CASZ1: variants seen among roughly 807,000 people sequenced by gnomAD.
The protein encoded by CASZ1 is castor zinc finger 1.
CASZ1 carries 28 observed loss-of-function variants against 135.2 expected under a neutral mutation model. That is an observed-to-expected ratio of 0.21 (90% CI 0.15 to 0.28). The LOEUF is 0.28. CASZ1 is among the 10% of genes least tolerant of loss of function. CASZ1 has a pLI of 1.00. For missense variants in CASZ1, 2,161 were observed against 2,453.3 expected (o/e 0.88, Z 2.52); for synonymous variants, 1,068 against 1,073.4 (o/e 0.99, Z 0.10).
At chr1:10,705,338 A>G (rs1474641778) in intron 3 of CASZ1, among the ~76,000 whole-genome samples, 154 bp downstream of exon 3, 1 of 152,148 alleles carries the variant, frequency 6.6e-6, no homozygotes, top group African/African-American at 2.4e-5. Context: ...TCAGGGCGGA[A>G]TGGGTGGGGT....
In CASZ1 at chr1:10,765,186, C is replaced by T. The variant is rs529243508; in HGVS notation, c.-233-4329G>A. On this transcript the variant is annotated intron_variant, in intron 1 of 20. Coordinates refer to ENST00000377022, the MANE Select transcript of CASZ1 (RefSeq NM_001079843.3). Reference sequence around the variant, plus strand: ...ATTTTCACCTGGGGGAATGTGGGTACGGGGAGGCGCCTATCATCTCCCTGC... The same window carrying T: ...ATTTTCACCTGGGGGAATGTGGGTATGGGGAGGCGCCTATCATCTCCCTGC... 3.1e-3 allele frequency among the ~76,000 whole-genome samples: 472 copies of T among 152,008 alleles called. 1 individual carries two copies. Among genetic ancestry groups the T allele is most frequent in the African/African-American group, 9.8e-3 (406 of 41,454 alleles).
intron 5 of CASZ1, among the ~76,000 whole-genome samples, chr1:10,662,767 G>A (rs1033800218): frequency 1.3e-5 from 2 of 151,910 alleles, no homozygotes; most frequent in Non-Finnish European, 2.9e-5. Context: ...AGACTCTTGC[G>A]CTCACACTCG....
intron 2 of CASZ1, among the ~76,000 whole-genome samples, chr1:10,748,864 G>A (rs113281600): frequency 0.037 from 5,642 of 152,306 alleles, 330 homozygotes; most frequent in African/African-American, 0.13. Flanking sequence ...AGGTCTTCTC[G>A]GCAGAAGCAG....
In CASZ1 at chr1:10,774,745, G is replaced by C. The variant is rs535864018; in HGVS notation, c.-233-13888C>G. 9.2e-5 allele frequency among the ~76,000 whole-genome samples: 14 copies of C among 152,184 alleles called. No homozygotes were observed. Among genetic ancestry groups the C allele is most frequent in the African/African-American group, 3.4e-4 (14 of 41,534 alleles). On this transcript the variant is annotated intron_variant, in intron 1 of 20. Coordinates refer to ENST00000377022, the MANE Select transcript of CASZ1 (RefSeq NM_001079843.3). This position sits in a 1 kb window ranked among gnomAD's most constrained non-coding sequence, Gnocchi z 4.4. ...CCTGTAGGCCTAGAGGAACCACCAG[G>C]AGAGGCTGGAGGCTTGAGCCCTCCC...
chr1:10,755,990 G>A lies in CASZ1; in HGVS notation c.-77+4711C>T, dbSNP rs1640247263. The stretch of plus-strand genomic sequence containing the variant: ...CGGATCTAGTGCAGACCATAGAGGC[G>A]GAAAGCAGAAAAACCTCCCACGCGT... On this transcript the variant is annotated intron_variant, in intron 2 of 20. Coordinates refer to ENST00000377022, the MANE Select transcript of CASZ1 (RefSeq NM_001079843.3). The surrounding 1 kb of genome is among the most constrained non-coding windows in gnomAD (Gnocchi z 4.3). 6.6e-6 allele frequency among the ~76,000 whole-genome samples: 1 copy of A among 152,004 alleles called. No homozygotes were observed. Among genetic ancestry groups the A allele is most frequent in the Admixed American group, 6.6e-5 (1 of 15,252 alleles).
chr1:10,772,793 C>T (rs1271191405), intron 1 of CASZ1, among the ~76,000 whole-genome samples: 1 of 152,194 alleles, frequency 6.6e-6, no homozygotes, highest in Non-Finnish European at 1.5e-5. Context: ...CCCACGCTGG[C>T]CACTTTTACT....
chr1:10,680,467 T>C (rs1638378287), intron 4 of CASZ1, among the ~76,000 whole-genome samples: 2 of 152,170 alleles, frequency 1.3e-5, no homozygotes, highest in African/African-American at 4.8e-5. Flanking sequence ...TTCTCAAATA[T>C]ATCCTGAGCA....
At chr1:10,652,630 T>C (rs143185128) in intron 11 of CASZ1, 1 of 152,346 alleles carries the variant, frequency 6.6e-6, no homozygotes, top group Non-Finnish European at 1.5e-5. Context: ...TATGAAATTA[T>C]AGGAAGGCAG....
Position 10,646,759 on chromosome 1 carries a change from C to T in CASZ1, c.3498-433G>A, listed in dbSNP as rs1642373968. On this transcript the variant is annotated intron_variant, in intron 16 of 20. Coordinates refer to ENST00000377022, the MANE Select transcript of CASZ1 (RefSeq NM_001079843.3). The surrounding 1 kb of genome is among the most constrained non-coding windows in gnomAD (Gnocchi z 6.4). ...GGCTGACAGACTGCAGATGGGTGCT[C>T]GGCCCCACCAGGAAGCGCTGCTGCC... Among the ~76,000 whole-genome samples, 2 of 152,212 alleles carry T rather than the reference C, an allele frequency of 1.3e-5. No individual in the cohort carries two copies. The highest frequency in any genetic ancestry group is 2.4e-5 in the African/African-American group (1 of 41,450).
At chr1:10,649,705 A>G in intron 13 of CASZ1, 1 of 434,166 alleles carries the variant, frequency 2.3e-6, no homozygotes, top group Non-Finnish European at 4.1e-6. Context: ...ACTCAAGCCG[A>G]GGCCGCGACT....
At chr1:10,668,093 C>T (rs1426067148) in intron 4 of CASZ1, among the ~76,000 whole-genome samples, 4 of 152,178 alleles carry the variant, frequency 2.6e-5, no homozygotes, top group Non-Finnish European at 2.9e-5. Context: ...GCGTGTGGGC[C>T]GGGGACACAG....
At chr1:10,782,136 G>A (rs1050339824) in intron 1 of CASZ1, among the ~76,000 whole-genome samples, 1 of 152,250 alleles carries the variant, frequency 6.6e-6, no homozygotes, top group Non-Finnish European at 1.5e-5. Context: ...AGGTTGGTCA[G>A]GCTAAAGAGT....
intron 20 of CASZ1, among the ~76,000 whole-genome samples, chr1:10,640,526 G>T (rs980390770): frequency 6.6e-6 from 1 of 152,260 alleles, no homozygotes; most frequent in African/African-American, 2.4e-5. Context: ...TTCCCTGGCT[G>T]CGCCTGTCTG....
Position 10,727,987 on chromosome 1 carries a change from C to T in CASZ1, c.-76-22443G>A, listed in dbSNP as rs990906609. Among the ~76,000 whole-genome samples the T allele has an allele frequency of 2.0e-5, 3 of 152,256 alleles. No individual in the cohort carries two copies. Among genetic ancestry groups the T allele is most frequent in the Admixed American group, 1.3e-4 (2 of 15,292 alleles). Reference sequence around the variant, plus strand: ...CCCAGAAACTGGGCATCTGCTGGCACAGCAGCACGTGAAGAACGAGGGGTC... The same window carrying T: ...CCCAGAAACTGGGCATCTGCTGGCATAGCAGCACGTGAAGAACGAGGGGTC... On this transcript the variant is annotated intron_variant, in intron 2 of 20. Transcript: ENST00000377022. This position sits in a 1 kb window ranked among gnomAD's most constrained non-coding sequence, Gnocchi z 5.3.
intron 1 of CASZ1, among the ~76,000 whole-genome samples, chr1:10,779,031 G>A (rs929255216): frequency 6.6e-6 from 1 of 152,204 alleles, no homozygotes; most frequent in African/African-American, 2.4e-5. Context: ...AACCCCACGA[G>A]CTAAATGTAG....
chr1:10,682,969 C>T (rs1447796988), intron 4 of CASZ1, among the ~76,000 whole-genome samples: 2 of 152,256 alleles, frequency 1.3e-5, no homozygotes, highest in African/African-American at 4.8e-5. Context: ...CTAGCTATTC[C>T]ACTCGGTCCT....
chr1:10,713,268 C>T lies in CASZ1; in HGVS notation c.-76-7724G>A, dbSNP rs1474296021. Among the ~76,000 whole-genome samples, 3 of 152,224 alleles carry T rather than the reference C, an allele frequency of 2.0e-5. No individual in the cohort carries two copies. In the South Asian group the frequency reaches 6.2e-4, roughly 32 times the overall value. ...ACGGCAATCATGTGCCGCTCCCAAG[C>T]CTTCAAGAGGCCAGTGGGGCTGTTA... On this transcript the variant is annotated intron_variant, in intron 2 of 20. Transcript: ENST00000377022.
intron 8 of CASZ1, 131 bp from the exon 9 acceptor site, chr1:10,655,944 C>A (rs1312720982): frequency 2.3e-6 from 2 of 858,906 alleles, no homozygotes; most frequent in Non-Finnish European, 1.8e-6. Context: ...GGGGTCAAGG[C>A]AGCCCAGATT....
rs556642299 is a variant in CASZ1, at chr1:10,755,679, G to C, written c.-77+5022C>G. ...GAACGGAGGAAGGAGGCCCAGGCTG[G>C]GGTTCGGCACCACCAGGTGGAACAC... is the stretch of plus-strand genomic sequence containing the variant. On this transcript the variant is annotated intron_variant, in intron 2 of 20. Coordinates refer to ENST00000377022, the MANE Select transcript of CASZ1 (RefSeq NM_001079843.3). This position sits in a 1 kb window ranked among gnomAD's most constrained non-coding sequence, Gnocchi z 4.3. 6.6e-6 allele frequency among the ~76,000 whole-genome samples: 1 copy of C among 152,254 alleles called. No homozygotes were observed. The highest frequency in any genetic ancestry group is 6.5e-5 in the Admixed American group (1 of 15,292).
Sources: allele counts gnomAD v4.1 joint callset (sites outside exome capture counted in the v4.1 genomes callset), GRCh38; gene constraint gnomAD v4.1.1; non-coding constraint Gnocchi (gnomAD v3.1); transcripts MANE v1.5; gene names NCBI Gene and HGNC (gene_info 2026-07-23, HGNC 2026-07-21).